The following OSBPL11 variants were observed in gnomAD, a reference collection of about 807,000 sequenced individuals.
The protein encoded by OSBPL11 is oxysterol-binding protein-related protein 11.
In OSBPL11, 33 loss-of-function variants were observed where a neutral mutation model predicts 84.4. The ratio of observed to expected loss-of-function variants is 0.39; its 90% CI spans 0.30 to 0.52. The LOEUF (loss-of-function observed/expected upper bound fraction) is 0.52. Ranked by LOEUF, OSBPL11 falls within the 20% of genes least tolerant of loss-of-function variation. The pLI is 0.72. For missense variants in OSBPL11, 736 were observed against 901.1 expected (o/e 0.82, Z 2.35); for synonymous variants, 276 against 310.2 (o/e 0.89, Z 1.16).
chr3:125,583,912 T>C (rs1477236243), intron 1 of OSBPL11, among the ~76,000 whole-genome samples: 1 of 152,158 alleles, frequency 6.6e-6, no homozygotes, highest in Non-Finnish European at 1.5e-5. Context: ...AGCAGAGAGC[T>C]ATATTTTTTG....
intron 5 of OSBPL11, among the ~76,000 whole-genome samples, chr3:125,569,242 C>T (rs764489873): frequency 6.6e-6 from 1 of 152,030 alleles, no homozygotes; most frequent in Non-Finnish European, 1.5e-5. Context: ...AGTCACTGAG[C>T]CCAGCCCAGG....
intron 5 of OSBPL11, among the ~76,000 whole-genome samples, chr3:125,569,788 C>G (rs931062642): frequency 5.9e-5 from 9 of 152,170 alleles, no homozygotes; most frequent in African/African-American, 2.2e-4. Context: ...ATCTCAAACA[C>G]ATACAGTGAA....
intron 1 of OSBPL11, among the ~76,000 whole-genome samples, chr3:125,591,388 G>C (rs1936593112): frequency 6.6e-6 from 1 of 152,208 alleles, no homozygotes; most frequent in Non-Finnish European, 1.5e-5. Flanking sequence ...ACAAAAGACT[G>C]TTAACTTCTC....
chr3:125,592,951 ATGTT>A (rs1198951179), intron 1 of OSBPL11, among the ~76,000 whole-genome samples: 3 of 152,218 alleles, frequency 2.0e-5, no homozygotes, highest in African/African-American at 7.2e-5. Flanking sequence ...AAACTTCACA[ATGTT>A]TTTTTAGATG....
intron 6 of OSBPL11, among the ~76,000 whole-genome samples, chr3:125,564,934 C>T (rs1194097069): frequency 9.2e-5 from 14 of 152,114 alleles, no homozygotes; most frequent in Admixed American, 9.2e-4. Flanking sequence ...GGATTACAGG[C>T]GTGAGCCACC....
rs540944757 is a variant in OSBPL11 at position 125,565,408 on chromosome 3, T to C, written c.869-1565A>G. ...TCATCCAATGTTCAACACAGGGATA[T>C]AGTTAAGTAAACCAAAATACACTTG... On this transcript the variant is annotated intron_variant, in intron 6 of 12. Transcript: ENST00000296220. 2.6e-5 allele frequency among the ~76,000 whole-genome samples: 4 copies of C among 152,322 alleles called. 1 individual carries two copies. The highest frequency in any genetic ancestry group is 1.9e-4 in the East Asian group (1 of 5,190).
intron 1 of OSBPL11, among the ~76,000 whole-genome samples, chr3:125,594,003 A>G (rs1353582641): frequency 6.6e-6 from 1 of 152,238 alleles, no homozygotes; most frequent in African/African-American, 2.4e-5. Flanking sequence ...TTGTTCATTC[A>G]TATTAGTGAA....
At chr3:125,543,056 G>C (rs754403210) in intron 10 of OSBPL11, among the ~76,000 whole-genome samples, 1 of 151,760 alleles carries the variant, frequency 6.6e-6, no homozygotes, top group Non-Finnish European at 1.5e-5. Flanking sequence ...CAGTTCTGTT[G>C]AGGGTCTTAA....
At chr3:125,552,830 A>G in intron 8 of OSBPL11, 151 bp from the exon 9 acceptor site, 1 of 1,025,118 alleles carries the variant, frequency 9.8e-7, no homozygotes, top group Non-Finnish European at 1.4e-6. Flanking sequence ...AAAAATAAGC[A>G]TTCTTGGCCA....
intron 5 of OSBPL11, among the ~76,000 whole-genome samples, chr3:125,570,277 A>G (rs1253569113): frequency 6.7e-6 from 1 of 149,764 alleles, no homozygotes; most frequent in Non-Finnish European, 1.5e-5. Context: ...GGGTCACTTG[A>G]GGCCAGGAGT....
intron 1 of OSBPL11, among the ~76,000 whole-genome samples, chr3:125,585,730 C>T (rs1936499470): frequency 6.6e-6 from 1 of 152,046 alleles, no homozygotes; most frequent in Non-Finnish European, 1.5e-5. Context: ...TTGCAATGTC[C>T]CTCCCTCATT....
At chr3:125,591,390 T>C (rs1936593174) in intron 1 of OSBPL11, among the ~76,000 whole-genome samples, 1 of 152,240 alleles carries the variant, frequency 6.6e-6, no homozygotes, top group African/African-American at 2.4e-5. Context: ...AAAAGACTGT[T>C]AACTTCTCTC....
chr3:125,587,629 G>A (rs1936534419), intron 1 of OSBPL11, among the ~76,000 whole-genome samples: 1 of 152,208 alleles, frequency 6.6e-6, no homozygotes, highest in Non-Finnish European at 1.5e-5. Context: ...AGAAACCAGA[G>A]AAAGTGTTTC....
rs1220178344 is a variant in OSBPL11, at chr3:125,552,659, G to A, written c.1176C>T (p.Ile392=). Residue 392 remains isoleucine, a synonymous_variant, in exon 9 of 13, where the codon ATC becomes ATT. Transcript: ENST00000296220. ...DLTRVVLPTF[I]LEKRSLLEMY... ...TTTCCAGCAAGGAACGCTTCTCTAG[G>A]ATAAATGTAGGAAGCACCACCTAAA... The A allele has an allele frequency of 6.2e-7, 1 of 1,612,804 alleles. No individual in the cohort carries two copies. The highest frequency in any genetic ancestry group is 1.1e-5 in the South Asian group (1 of 90,862).
intron 11 of OSBPL11, 43 bp from the exon 12 acceptor site, chr3:125,532,057 G>A (rs1354226055): frequency 5.1e-6 from 8 of 1,557,564 alleles, no homozygotes; most frequent in African/African-American, 1.4e-5. Flanking sequence ...TTCTTTAAAA[G>A]AGATAATTAA....
At chr3:125,552,143 A>ATATATATATATATG in intron 9 of OSBPL11, 38 bp downstream of exon 9, 2 of 130,680 alleles carry the variant, frequency 1.5e-5, no homozygotes, top group South Asian at 6.5e-4. Flanking sequence ...GTGTGTGTGT[A>ATATATATATATATG]TATATATATA....
At chr3:125,585,148 T>G (rs188068446) in intron 1 of OSBPL11, among the ~76,000 whole-genome samples, 136 of 152,286 alleles carry the variant, frequency 8.9e-4, no homozygotes, top group African/African-American at 3.2e-3. Context: ...TATTTTTAAT[T>G]GCGACAGAGT....
chr3:125,591,797 T>C (rs2107615112), intron 1 of OSBPL11, among the ~76,000 whole-genome samples: 1 of 152,206 alleles, frequency 6.6e-6, no homozygotes. Context: ...GATTAAAAAG[T>C]TAAATATGAG....
At chr3:125,583,581 CAAAAAAAAAAAAAAAA>C (rs57151123) in intron 1 of OSBPL11, among the ~76,000 whole-genome samples, 2 of 44,918 alleles carry the variant, frequency 4.5e-5, no homozygotes, top group Non-Finnish European at 8.7e-5. Context: ...ACTCCGTCTC[CAAAAAAAAAAAAAAAA>C]AAAAAAAAAA....
Sources: gnomAD v4.1 joint callset for allele counts (sites outside exome capture counted in the v4.1 genomes callset) on GRCh38, gnomAD v4.1.1 for gene constraint, MANE v1.5 for transcripts, NCBI Gene and HGNC (gene_info 2026-07-23, HGNC 2026-07-21) for gene names.